MTMR7: variants seen among roughly 807,000 people sequenced by gnomAD.
The protein encoded by MTMR7 is phosphatidylinositol-3-phosphate phosphatase MTMR7.
Under a neutral mutation model 81.2 loss-of-function variants are expected in MTMR7, and 76 were observed. The observed-to-expected ratio is 0.94, with a 90% CI of 0.78 to 1.13. MTMR7 has a LOEUF of 1.13. MTMR7 is among the 50% of genes most tolerant of loss of function. The pLI is 0.00. For missense variants in MTMR7, 1,044 were observed against 820.0 expected (o/e 1.27, Z -3.34); for synonymous variants, 372 against 289.8 (o/e 1.28, Z -2.88).
chr8:17,402,369 G>A (rs536007472), intron 1 of MTMR7, among the ~76,000 whole-genome samples: 7 of 152,066 alleles, frequency 4.6e-5, no homozygotes, highest in South Asian at 2.1e-4. Flanking sequence ...TTCTGTAGCC[G>A]TTAACAATTG....
intron 1 of MTMR7, among the ~76,000 whole-genome samples, chr8:17,385,260 A>G (rs753691958): frequency 1.9e-4 from 29 of 151,934 alleles, no homozygotes; most frequent in Non-Finnish European, 2.9e-4. Context: ...TTTCTCCTGA[A>G]TGGCTCGGCA....
chr8:17,302,800 C>T (rs1233421291), intron 12 of MTMR7, among the ~76,000 whole-genome samples: 1 of 147,996 alleles, frequency 6.8e-6, no homozygotes, highest in Non-Finnish European at 1.5e-5. Context: ...GCAACCTCCA[C>T]CTCCCGGGTT....
At chr8:17,392,024 T>C (rs1821123954) in intron 1 of MTMR7, among the ~76,000 whole-genome samples, 1 of 152,152 alleles carries the variant, frequency 6.6e-6, no homozygotes, top group Non-Finnish European at 1.5e-5. Context: ...CAAAATGAGC[T>C]TCTTGGACTC....
intron 11 of MTMR7, 127 bp downstream of exon 11, chr8:17,305,630 C>G: frequency 7.0e-6 from 5 of 709,636 alleles, no homozygotes; most frequent in Non-Finnish European, 9.0e-6. Flanking sequence ...GAAAATAAAA[C>G]TAATCTGTCA....
At chr8:17,371,544 A>G (rs1563364000) in intron 2 of MTMR7, among the ~76,000 whole-genome samples, 1 of 152,194 alleles carries the variant, frequency 6.6e-6, no homozygotes, top group Non-Finnish European at 1.5e-5. Flanking sequence ...ATGAGAAGTT[A>G]GTAAAATAAA....
At chr8:17,349,340 T>C (rs1458496233) in intron 4 of MTMR7, 4 of 325,168 alleles carry the variant, frequency 1.2e-5, no homozygotes, top group Non-Finnish European at 1.7e-5. Flanking sequence ...CAAGGGCTCT[T>C]TGTGCAAGAC....
chr8:17,299,879 C>CG lies in MTMR7; in HGVS notation c.1965dup (p.Val656ArgfsTer15). On this transcript the variant is annotated frameshift_variant, in exon 14 of 14. Transcript: ENST00000180173. LOFTEE classifies it high-confidence loss of function. ...GGGAAACTTCAGGCAGTGAGAAACA[C>CG]GGCTTCATCAGAATCCCGGTCCTTG... 1.2e-6 allele frequency: 2 copies of CG among 1,614,014 alleles called. No individual in the cohort carries two copies. The highest frequency in any genetic ancestry group is 1.7e-6 in the Non-Finnish European group (2 of 1,179,936).
At chr8:17,311,453 A>G (rs1817775900) in intron 9 of MTMR7, 58 bp downstream of exon 9, 2 of 1,604,748 alleles carry the variant, frequency 1.2e-6, no homozygotes, top group Admixed American at 1.7e-5. Context: ...TTGTAAAAAC[A>G]GGGGTCCATT....
intron 1 of MTMR7, among the ~76,000 whole-genome samples, chr8:17,404,851 A>G (rs1821531975): frequency 6.6e-6 from 1 of 152,148 alleles, no homozygotes; most frequent in South Asian, 2.1e-4. Flanking sequence ...GTTGAGACGG[A>G]GTCTTGCTCT....
chr8:17,361,787 C>T (rs1820068737), intron 3 of MTMR7, among the ~76,000 whole-genome samples: 1 of 152,128 alleles, frequency 6.6e-6, no homozygotes, highest in Admixed American at 6.5e-5. Flanking sequence ...TAAACGTTTG[C>T]ATTGGAAACA....
chr8:17,318,186 T>C (rs1483799715), intron 7 of MTMR7, among the ~76,000 whole-genome samples: 3 of 152,058 alleles, frequency 2.0e-5, no homozygotes, highest in Non-Finnish European at 4.4e-5. Flanking sequence ...GTCTCACACA[T>C]GTTTGGGATC....
At chr8:17,321,231 G>A (rs974669260) in intron 7 of MTMR7, among the ~76,000 whole-genome samples, 8 of 152,312 alleles carry the variant, frequency 5.3e-5, no homozygotes, top group African/African-American at 1.7e-4. Context: ...ACCTGGAAAT[G>A]GCCTGTGCCA....
At chr8:17,383,056 C>A (rs1179283907) in intron 1 of MTMR7, among the ~76,000 whole-genome samples, 1 of 151,474 alleles carries the variant, frequency 6.6e-6, no homozygotes, top group Non-Finnish European at 1.5e-5. Flanking sequence ...GGCCTGTTGG[C>A]AGCTCAGATA....
intron 7 of MTMR7, among the ~76,000 whole-genome samples, chr8:17,323,930 T>C (rs1171390061): frequency 6.6e-6 from 1 of 152,196 alleles, no homozygotes; most frequent in Non-Finnish European, 1.5e-5. Flanking sequence ...AAGGTGAACA[T>C]TTTAAAATTA....
At chr8:17,349,129 C>G in intron 4 of MTMR7, 48 bp from the exon 5 acceptor site, 1 of 1,589,758 alleles carries the variant, frequency 6.3e-7, no homozygotes, top group East Asian at 2.3e-5. Flanking sequence ...TAGTAATGCC[C>G]TGCGAACTGC....
chr8:17,342,069 A>C (rs957127855), intron 5 of MTMR7, among the ~76,000 whole-genome samples: 2 of 152,208 alleles, frequency 1.3e-5, no homozygotes, highest in African/African-American at 4.8e-5. Context: ...GTGCTGACTC[A>C]AGTCTACTTA....
At chr8:17,341,682 G>A (rs984407562) in intron 5 of MTMR7, among the ~76,000 whole-genome samples, 185 bp from the exon 6 acceptor site, 1 of 152,094 alleles carries the variant, frequency 6.6e-6, no homozygotes, top group East Asian at 1.9e-4. Context: ...ACCACTAATG[G>A]GCAAGCAATA....
chr8:17,343,752 TTAA>T (rs1374879757), intron 5 of MTMR7, among the ~76,000 whole-genome samples: 1 of 152,246 alleles, frequency 6.6e-6, no homozygotes, highest in Admixed American at 6.5e-5. Context: ...TTAGATTTTC[TTAA>T]TAAACTAAAG....
chr8:17,408,577 G>A (rs569647059), intron 1 of MTMR7, among the ~76,000 whole-genome samples: 18 of 152,154 alleles, frequency 1.2e-4, no homozygotes, highest in Non-Finnish European at 2.4e-4. Flanking sequence ...CTGAGAGATG[G>A]GGGCAAGTGG....
Sources: allele counts gnomAD v4.1 joint callset (sites outside exome capture counted in the v4.1 genomes callset), GRCh38; gene constraint gnomAD v4.1.1; transcripts MANE v1.5; gene names NCBI Gene and HGNC (gene_info 2026-07-23, HGNC 2026-07-21).